The following GLRA2 variants were observed in gnomAD, a reference collection of about 807,000 sequenced individuals.
GLRA2 encodes the protein glycine receptor alpha 2.
GLRA2 carries 11 observed loss-of-function variants against 31.6 expected under a neutral mutation model. That is an observed-to-expected ratio of 0.35 (90% CI 0.22 to 0.58). The LOEUF (loss-of-function observed/expected upper bound fraction) is 0.58, where lower values mean the gene tolerates loss of function less well. Among genes scored for constraint, GLRA2 ranks in the 20% least tolerant of loss-of-function variants. The pLI is 0.84. For synonymous variants in GLRA2, 132 were observed against 134.0 expected (o/e 0.99, Z 0.10); for missense variants, 212 against 351.8 (o/e 0.60, Z 3.18).
intron 7 of GLRA2, among the ~76,000 whole-genome samples, chrX:14,631,292 CT>C (rs1212088829): frequency 5.4e-5 from 6 of 111,095 alleles, no homozygotes; most frequent in African/African-American, 2.0e-4. Flanking sequence ...CCTAGTCATT[CT>C]TTTATCTAGC....
intron 7 of GLRA2, among the ~76,000 whole-genome samples, chrX:14,669,888 T>C (rs1347068362): frequency 8.9e-6 from 1 of 112,812 alleles, no homozygotes; most frequent in African/African-American, 3.2e-5. Flanking sequence ...TGCAGATTTC[T>C]GCAGACAGCT....
chrX:14,727,147 A>C (rs1427162740), intron 8 of GLRA2, among the ~76,000 whole-genome samples: 1 of 111,733 alleles, frequency 8.9e-6, no homozygotes, highest in Non-Finnish European at 1.9e-5. Flanking sequence ...ATTTTACATT[A>C]GAGTCACTGG....
At chrX:14,462,475 C>G in the GLRA2 span, among the ~76,000 whole-genome samples, 92 of 112,081 alleles carry the variant, frequency 8.2e-4, no homozygotes, top group African/African-American at 2.8e-3. Context: ...CAGTCACTTT[C>G]ACGTACACCA....
intron 2 of GLRA2, 65 bp from the exon 3 acceptor site, chrX:14,574,268 C>G: frequency 1.4e-6 from 1 of 695,210 alleles, no homozygotes; most frequent in Non-Finnish European, 2.3e-6. Context: ...GCCAATTGCA[C>G]AGATGTTAAT....
chrX:14,620,782 G>T (rs1237467735), intron 7 of GLRA2, among the ~76,000 whole-genome samples: 1 of 111,684 alleles, frequency 9.0e-6, no homozygotes, highest in Admixed American at 9.5e-5. Context: ...AGAGCATGGG[G>T]CCTCAGCAAT....
the GLRA2 span, among the ~76,000 whole-genome samples, chrX:14,508,031 T>C: frequency 3.6e-5 from 4 of 111,611 alleles, no homozygotes; most frequent in Non-Finnish European, 5.6e-5. Flanking sequence ...TTTTTGCTGC[T>C]GATTGTCTTC....
chrX:14,692,061 T>C (rs1483434766), intron 8 of GLRA2, among the ~76,000 whole-genome samples: 1 of 111,993 alleles, frequency 8.9e-6, no homozygotes, highest in East Asian at 2.8e-4. Context: ...GGAGTTTATG[T>C]GGGTATGAGC....
intron 7 of GLRA2, among the ~76,000 whole-genome samples, chrX:14,661,013 C>T (rs2090985514): frequency 8.9e-6 from 1 of 112,006 alleles, no homozygotes; most frequent in South Asian, 3.7e-4. Context: ...ATGGCAAGAG[C>T]CTGTCTCATT....
rs2147058064 is a variant in GLRA2, at chrX:14,574,354, G to A, written c.224G>A (p.Cys75Tyr). The change falls in exon 3 of 9, where the codon TGC becomes TAC. Residue 75 changes from cysteine (C) to tyrosine (Y), a missense_variant. This residue lies in a region of GLRA2 where 110 missense variants were observed against 232.6 expected (regional missense o/e 0.47). Coordinates refer to ENST00000218075, the MANE Select transcript of GLRA2 (RefSeq NM_002063.4). ...GCAGGTCCTCCAGTAAACGTTACTTGCAATATTTTTATCAACAGTTTTGGA... is the reference window on the plus strand; with the variant it reads ...GCAGGTCCTCCAGTAAACGTTACTTACAATATTTTTATCAACAGTTTTGGA... The part of the protein sequence containing the change: ...NFKGPPVNVT[C>Y]NIFINSFGSV... 1 of 1,199,991 alleles carries A rather than the reference G, an allele frequency of 8.3e-7. No individual in the cohort carries two copies. The highest frequency in any genetic ancestry group is 1.1e-6 in the Non-Finnish European group (1 of 884,755).
At chrX:14,665,112 C>T (rs945524975) in intron 7 of GLRA2, among the ~76,000 whole-genome samples, 1 of 112,085 alleles carries the variant, frequency 8.9e-6, no homozygotes, top group Non-Finnish European at 1.9e-5. Context: ...TTAGAAACTT[C>T]CTCAGTCCTT....
At chrX:14,677,017 T>C (rs1487991195) in intron 7 of GLRA2, among the ~76,000 whole-genome samples, 1 of 111,785 alleles carries the variant, frequency 8.9e-6, no homozygotes, top group Non-Finnish European at 1.9e-5. Context: ...TCTAGCACCA[T>C]GAAACTCTAA....
At chrX:14,691,618 A>C (rs1435527867) in intron 8 of GLRA2, among the ~76,000 whole-genome samples, 1 of 110,983 alleles carries the variant, frequency 9.0e-6, no homozygotes, top group Non-Finnish European at 1.9e-5. Context: ...CACACCTTAC[A>C]CCAACTAAAC....
At chrX:14,526,327 G>A (rs1324080899), upstream of GLRA2, among the ~76,000 whole-genome samples, 1 of 112,742 alleles carries the variant, frequency 8.9e-6, no homozygotes, top group Non-Finnish European at 1.9e-5. Context: ...TAGTTTCCTT[G>A]TTCTACACAA....
At chrX:14,467,591 A>G in the GLRA2 span, among the ~76,000 whole-genome samples, 2 of 112,323 alleles carry the variant, frequency 1.8e-5, no homozygotes, top group African/African-American at 6.5e-5. Flanking sequence ...AACAACAAAT[A>G]CTTTATTACC....
In GLRA2 at chrX:14,553,001, T is replaced by A. The variant is rs2089586875; in HGVS notation, c.202+20629T>A. 1.8e-5 allele frequency among the ~76,000 whole-genome samples: 2 copies of A among 111,891 alleles called. 1 individual carries two copies. The highest frequency in any genetic ancestry group is 7.4e-4 in the South Asian group (2 of 2,685). On this transcript the variant is annotated intron_variant, in intron 2 of 8. Transcript: ENST00000218075. ...GCACACAGGCAATGATGGTGTCTAGTGGGAGAATGACCTCCTCAATTTCAA... is the reference window on the plus strand; with the variant it reads ...GCACACAGGCAATGATGGTGTCTAGAGGGAGAATGACCTCCTCAATTTCAA...
intron 3 of GLRA2, among the ~76,000 whole-genome samples, chrX:14,580,163 G>A (rs1386302452): frequency 8.9e-6 from 1 of 111,796 alleles, no homozygotes; most frequent in Non-Finnish European, 1.9e-5. Context: ...GGACAAGTTA[G>A]TCACCATTAG....
At chrX:14,589,242 G>A (rs1048170603) in intron 4 of GLRA2, among the ~76,000 whole-genome samples, 2 of 110,764 alleles carry the variant, frequency 1.8e-5, no homozygotes, top group African/African-American at 6.6e-5. Flanking sequence ...TATTTTGAGC[G>A]ATGTTCCTTT....
chrX:14,484,300 T>C, the GLRA2 span, among the ~76,000 whole-genome samples: 21 of 111,969 alleles, frequency 1.9e-4, no homozygotes, highest in African/African-American at 6.5e-4. Context: ...TGGAAAATGG[T>C]CTTCAAATTA....
chrX:14,583,923 G>T lies in GLRA2; in HGVS notation c.494+2517G>T, dbSNP rs151077773. ...AGAATACTGTTCAGTGAATAGTATA[G>T]AATAGTACAGTACTGTTCAACTGAA... On this transcript the variant is annotated intron_variant, in intron 4 of 8. Transcript: ENST00000218075. Among the ~76,000 whole-genome samples the T allele has an allele frequency of 2.6e-3, 294 of 111,636 alleles. 1 individual carries two copies. The highest frequency in any genetic ancestry group is 0.014 in the Middle Eastern group (3 of 216).
Sources: allele counts gnomAD v4.1 joint callset (sites outside exome capture counted in the v4.1 genomes callset), GRCh38; gene constraint gnomAD v4.1.1; regional missense constraint gnomAD v4.1.1; transcripts MANE v1.5; gene names NCBI Gene and HGNC (gene_info 2026-07-23, HGNC 2026-07-21).